Variants in CNTN4 observed in about 807,000 individuals in gnomAD.
The protein encoded by CNTN4 is contactin-4.
A neutral mutation model predicts 122.5 loss-of-function variants in CNTN4; 77 were observed. The observed-to-expected ratio is 0.63, with a 90% CI of 0.52 to 0.76. The LOEUF (loss-of-function observed/expected upper bound fraction) is 0.76, where lower values mean the gene tolerates loss of function less well. Among genes scored for constraint, CNTN4 ranks in the 30% least tolerant of loss-of-function variants. The pLI, the probability that CNTN4 is intolerant of heterozygous loss-of-function variation, is 0.00. For synonymous variants in CNTN4, 512 were observed against 447.0 expected, an observed-to-expected ratio of 1.15 and a Z score of -1.83; for missense variants, 1,256 against 1,259.1, an observed-to-expected ratio of 1.00 and a Z score of 0.04.
chr3:2,277,798 C>G (rs1239684913), intron 2 of CNTN4, among the ~76,000 whole-genome samples: 1 of 152,186 alleles, frequency 6.6e-6, no homozygotes, highest in African/African-American at 2.4e-5. Flanking sequence ...TTTGTGCTTA[C>G]TTCCTTCTTG....
At chr3:2,184,697 A>G (rs1401631062) in intron 2 of CNTN4, among the ~76,000 whole-genome samples, 6 of 152,132 alleles carry the variant, frequency 3.9e-5, no homozygotes, top group African/African-American at 1.4e-4. Context: ...CCTTCATGTA[A>G]GGACACAACC....
chr3:2,808,204 A>C (rs1232096664), intron 6 of CNTN4, among the ~76,000 whole-genome samples: 1 of 143,004 alleles, frequency 7.0e-6, no homozygotes, highest in East Asian at 1.9e-4. Flanking sequence ...GGGTTTGATC[A>C]TGAACTGTGG....
intron 6 of CNTN4, among the ~76,000 whole-genome samples, chr3:2,799,466 G>T (rs2092291821): frequency 6.6e-6 from 1 of 152,050 alleles, no homozygotes; most frequent in African/African-American, 2.4e-5. Flanking sequence ...ACAGTTTCAG[G>T]TCTTTTTTTT....
intron 2 of CNTN4, among the ~76,000 whole-genome samples, chr3:2,177,949 A>C (rs2036830525): frequency 6.6e-6 from 1 of 152,020 alleles, no homozygotes; most frequent in Non-Finnish European, 1.5e-5. Flanking sequence ...CTGGATTTTA[A>C]AATTTTTTAT....
At position 2,224,710 on chromosome 3, in the gene CNTN4, G is replaced by A. The variant is rs539130262; in HGVS notation, c.-144-114468G>A. Among the ~76,000 whole-genome samples, 6 of 152,266 alleles carry A rather than the reference G, an allele frequency of 3.9e-5. No individual in the cohort carries two copies. In the South Asian group the frequency reaches 1.0e-3, roughly 26 times the overall value. On this transcript the variant is annotated intron_variant, in intron 2 of 24. Coordinates refer to ENST00000418658, the MANE Select transcript of CNTN4 (RefSeq NM_175607.3). Reference sequence around the variant, plus strand: ...GCACAATGCTTCTAACATCCTAAATGTGCAGTAAATGTTAAGATTTACTAA... The same window carrying A: ...GCACAATGCTTCTAACATCCTAAATATGCAGTAAATGTTAAGATTTACTAA...
chr3:2,675,817 G>C (rs2150420996), intron 4 of CNTN4, among the ~76,000 whole-genome samples: 1 of 152,260 alleles, frequency 6.6e-6, no homozygotes, highest in East Asian at 1.9e-4. Context: ...CTTTCTTTGT[G>C]CTGGACACTG....
intron 2 of CNTN4, among the ~76,000 whole-genome samples, chr3:2,218,478 C>T (rs1023019292): frequency 2.6e-5 from 4 of 152,006 alleles, no homozygotes; most frequent in Admixed American, 1.3e-4. Context: ...TGTGAGCGCA[C>T]CTGTGAATAG....
intron 2 of CNTN4, among the ~76,000 whole-genome samples, chr3:2,213,754 G>C (rs2038720213): frequency 6.6e-6 from 1 of 152,198 alleles, no homozygotes; most frequent in African/African-American, 2.4e-5. Flanking sequence ...GGTGAAATGA[G>C]ATAGAGCCTT....
intron 2 of CNTN4, among the ~76,000 whole-genome samples, chr3:2,184,883 C>T (rs1409509369): frequency 6.6e-6 from 1 of 152,170 alleles, no homozygotes; most frequent in Non-Finnish European, 1.5e-5. Flanking sequence ...TATAACAGCA[C>T]AAATGGACAA....
intron 4 of CNTN4, among the ~76,000 whole-genome samples, chr3:2,616,962 C>T (rs1237051784): frequency 6.6e-6 from 1 of 152,120 alleles, no homozygotes. Context: ...AACTGAACCC[C>T]CTCCTTACAC....
intron 3 of CNTN4, among the ~76,000 whole-genome samples, chr3:2,524,260 T>C (rs1207135408): frequency 2.6e-5 from 4 of 152,152 alleles, no homozygotes; most frequent in African/African-American, 9.6e-5. Context: ...GACTGGCTTA[T>C]CTTGCTTGGC....
chr3:2,315,970 A>G lies in CNTN4; in HGVS notation c.-144-23208A>G, dbSNP rs183356226. Among the ~76,000 whole-genome samples the G allele has an allele frequency of 2.5e-3, 377 of 152,154 alleles. 1 individual carries two copies. The highest frequency in any genetic ancestry group is 4.0e-3 in the Admixed American group (61 of 15,266). ...GCCAATCCCAAATATCACTTAGTCAAAAACTTATTTATCTTGAGACTTCTA... is the reference window on the plus strand; with the variant it reads ...GCCAATCCCAAATATCACTTAGTCAGAAACTTATTTATCTTGAGACTTCTA... On this transcript the variant is annotated intron_variant, in intron 2 of 24. Transcript: ENST00000418658.
intron 5 of CNTN4, among the ~76,000 whole-genome samples, chr3:2,742,411 A>C (rs2089507260): frequency 6.6e-6 from 1 of 152,226 alleles, no homozygotes; most frequent in African/African-American, 2.4e-5. Context: ...TTCCAGATAG[A>C]AGAAATGTTC....
intron 4 of CNTN4, among the ~76,000 whole-genome samples, chr3:2,696,500 A>G (rs1274686161): frequency 2.6e-5 from 4 of 152,172 alleles, no homozygotes; most frequent in Non-Finnish European, 5.9e-5. Flanking sequence ...TCCCCTTCAG[A>G]CGACACAGCC....
chr3:2,860,220 C>G (rs1442617376), intron 7 of CNTN4, among the ~76,000 whole-genome samples: 1 of 152,278 alleles, frequency 6.6e-6, no homozygotes, highest in East Asian at 1.9e-4. Context: ...CGGTGAAAAG[C>G]TTTCACTTTA....
chr3:2,309,522 T>C, intron 2 of CNTN4, among the ~76,000 whole-genome samples: 1 of 152,180 alleles, frequency 6.6e-6, no homozygotes, highest in East Asian at 1.9e-4. Context: ...TATTTCTTTT[T>C]GTTTGCGACT....
At chr3:3,019,797 T>TATATATAC (rs1347478429) in intron 14 of CNTN4, among the ~76,000 whole-genome samples, 2 of 126,326 alleles carry the variant, frequency 1.6e-5, no homozygotes, top group Admixed American at 8.0e-5. Flanking sequence ...TATATATATA[T>TATATATAC]ACACATGCAT....
intron 13 of CNTN4, among the ~76,000 whole-genome samples, chr3:2,950,529 T>C (rs1425487278): frequency 1.3e-5 from 2 of 152,210 alleles, no homozygotes; most frequent in African/African-American, 4.8e-5. Context: ...GTTATTTGCT[T>C]ACCTCTGTGC....
At chr3:2,516,396 A>C (rs534470446) in intron 3 of CNTN4, among the ~76,000 whole-genome samples, 1 of 152,168 alleles carries the variant, frequency 6.6e-6, no homozygotes, top group Admixed American at 6.5e-5. Context: ...ATAATGTTTG[A>C]TAATTTGTGG....
Sources: allele counts gnomAD v4.1 joint callset (sites outside exome capture counted in the v4.1 genomes callset), GRCh38; gene constraint gnomAD v4.1.1; transcripts MANE v1.5; gene names NCBI Gene and HGNC (gene_info 2026-07-23, HGNC 2026-07-21).